Variants in ANO5 observed in about 807,000 individuals in gnomAD.
ANO5 encodes the protein anoctamin-5.
ANO5 carries 109 observed loss-of-function variants against 121.0 expected under a neutral mutation model. The observed-to-expected ratio is 0.90, with a 90% CI of 0.77 to 1.06. ANO5 has a LOEUF of 1.06. Among genes scored for constraint, ANO5 ranks in the 50% least tolerant of loss-of-function variants. ANO5 has a pLI of 0.00. For synonymous variants in ANO5, 406 were observed against 359.9 expected (o/e 1.13, Z -1.45); for missense variants, 1,064 against 1,078.5 (o/e 0.99, Z 0.19).
chr11:22,243,309 G>C (rs769700218), intron 9 of ANO5, among the ~76,000 whole-genome samples: 67 of 151,900 alleles, frequency 4.4e-4, no homozygotes, highest in Non-Finnish European at 7.4e-4. Flanking sequence ...TCCTGGATTT[G>C]GTTTTCTAGT....
At chr11:22,243,715 ATAATAG>A (rs1180776374) in intron 9 of ANO5, among the ~76,000 whole-genome samples, 1 of 152,028 alleles carries the variant, frequency 6.6e-6, no homozygotes, top group Non-Finnish European at 1.5e-5. Flanking sequence ...AGAACTTTTC[ATAATAG>A]TATTGGAGGA....
chr11:22,255,337 A>C, intron 12 of ANO5, 34 bp from the exon 13 acceptor site: 1 of 1,499,408 alleles, frequency 6.7e-7, no homozygotes, highest in Non-Finnish European at 9.0e-7. Context: ...TAACTTTTTT[A>C]ATATCTTTTT....
rs1855117949 is a variant in ANO5 at position 22,282,536 on chromosome 11, G to C, written c.*2771G>C. 6.6e-6 allele frequency: 1 copy of C among 152,184 alleles called. No individual in the cohort carries two copies. The highest frequency in any genetic ancestry group is 1.5e-5 in the Non-Finnish European group (1 of 68,018). 9.4% of individuals were successfully genotyped at this position (152,184 alleles called of 1,614,324 possible). A position where few individuals can be genotyped will look rare whatever the true frequency, so the allele number is the denominator to read the frequency against. On this transcript the variant is annotated 3_prime_UTR_variant, in exon 22 of 22. Transcript: ENST00000324559. ...AGTGACGGGAAATGAGAAAGAAGAG[G>C]AGTGAGGAAACAGTTATTTCCTTAT...
Position 22,257,689 on chromosome 11 carries a change from C to G in ANO5, c.1342C>G (p.Pro448Ala), listed in dbSNP as rs1159530392. Residue 448 changes from proline (P) to alanine (A), a missense_variant, in exon 14 of 22, where the codon CCT (proline) becomes GCT (alanine). Coordinates refer to ENST00000324559, the MANE Select transcript of ANO5 (RefSeq NM_213599.3). ...TTCTTCAATATTACAGGAGATGGAA[C>G]CTTACATGCCTCTATACACGCGTAT... ...KLNAVTKEME[P>A]YMPLYTRIPW... 1.9e-6 allele frequency: 3 copies of G among 1,610,646 alleles called. No homozygotes were observed. The highest frequency in any genetic ancestry group is 2.7e-5 in the African/African-American group (2 of 74,786).
intron 4 of ANO5, among the ~76,000 whole-genome samples, chr11:22,220,616 A>T (rs1365963877): frequency 1.3e-5 from 2 of 151,990 alleles, no homozygotes; most frequent in Non-Finnish European, 2.9e-5. Context: ...TTTTATTTTA[A>T]TCCTTACAAA....
At chr11:22,220,114 T>C (rs1564919224) in intron 4 of ANO5, among the ~76,000 whole-genome samples, 1 of 151,646 alleles carries the variant, frequency 6.6e-6, no homozygotes. Flanking sequence ...CTGACTTGGG[T>C]AAAAAAATCC....
intron 2 of ANO5, among the ~76,000 whole-genome samples, chr11:22,206,901 C>T (rs767809972): frequency 1.8e-4 from 27 of 151,846 alleles, no homozygotes; most frequent in Non-Finnish European, 3.2e-4. Context: ...ACTGACAGTT[C>T]TTGCAATAAG....
chr11:22,222,386 A>G (rs1244547752), intron 5 of ANO5, among the ~76,000 whole-genome samples: 1 of 151,688 alleles, frequency 6.6e-6, no homozygotes, highest in Admixed American at 6.6e-5. Flanking sequence ...CTGTTCCTTG[A>G]ACTCCCTTTT....
At chr11:22,202,581 T>C (rs1449641863) in intron 1 of ANO5, among the ~76,000 whole-genome samples, 1 of 152,156 alleles carries the variant, frequency 6.6e-6, no homozygotes, top group Non-Finnish European at 1.5e-5. Context: ...ACTCAGTGTC[T>C]GGTAAGGGCT....
At chr11:22,234,891 T>C (rs1199401709) in intron 7 of ANO5, among the ~76,000 whole-genome samples, 1 of 152,100 alleles carries the variant, frequency 6.6e-6, no homozygotes. Context: ...CAAACTTTAA[T>C]TAAGCTTCTC....
intron 1 of ANO5, among the ~76,000 whole-genome samples, chr11:22,196,114 A>G (rs1374899347): frequency 1.3e-5 from 2 of 152,144 alleles, no homozygotes; most frequent in Non-Finnish European, 2.9e-5. Context: ...TATTGCTATA[A>G]CAGAATACCA....
intron 12 of ANO5, 93 bp from the exon 13 acceptor site, chr11:22,255,278 G>A: frequency 9.7e-7 from 1 of 1,027,028 alleles, no homozygotes; most frequent in Non-Finnish European, 1.4e-6. Context: ...TGAAACATGT[G>A]AACCATCCTG....
At chr11:22,267,508 T>TTTTATATATATATATATATA (rs1554932860) in intron 17 of ANO5, among the ~76,000 whole-genome samples, 34 of 126,096 alleles carry the variant, frequency 2.7e-4, no homozygotes, top group African/African-American at 1.6e-3. Flanking sequence ...ATATCTACAA[T>TTTTATATATATATATATATA]TATATATATA....
At position 22,272,993 on chromosome 11, in the gene ANO5, A is replaced by C. The variant is rs372056234; in HGVS notation, c.2235+4A>C. 8.9e-5 allele frequency: 144 copies of C among 1,613,228 alleles called. No individual in the cohort carries two copies. The highest frequency in any genetic ancestry group is 6.4e-5 in the Non-Finnish European group (76 of 1,179,384). On this transcript the variant is annotated splice_donor_region_variant and intron_variant, in intron 19 of 21. Transcript: ENST00000324559. ...TGTCCTTTCTGTTGCAACTAATGTAAGTGGACCTATTTCGGTGGGGTGACT... is the reference window on the plus strand; with the variant it reads ...TGTCCTTTCTGTTGCAACTAATGTACGTGGACCTATTTCGGTGGGGTGACT...
At chr11:22,214,655 C>A (rs944534263) in intron 3 of ANO5, among the ~76,000 whole-genome samples, 1 of 151,894 alleles carries the variant, frequency 6.6e-6, no homozygotes, top group Non-Finnish European at 1.5e-5. Context: ...TGAGGGGACA[C>A]AATCTTCCTG....
chr11:22,213,378 T>C (rs1182583876), intron 3 of ANO5, among the ~76,000 whole-genome samples: 7 of 151,906 alleles, frequency 4.6e-5, no homozygotes, highest in Admixed American at 6.6e-5. Flanking sequence ...TTTATATCCT[T>C]CACAGCTTTG....
chr11:22,203,380 A>G (rs1400145650), intron 1 of ANO5, among the ~76,000 whole-genome samples: 1 of 152,006 alleles, frequency 6.6e-6, no homozygotes, highest in Non-Finnish European at 1.5e-5. Context: ...AGAAACTGGT[A>G]GTGTTCTATA....
rs1010889795 is a variant in ANO5, at chr11:22,229,411, CT to C, written c.648+1834del. The stretch of plus-strand genomic sequence containing the variant: ...AATCCACAAACTAAAAATGTTCTTC[CT>C]TTTTTTTTAACCAGGATTAAACAAT... On this transcript the variant is annotated intron_variant, in intron 7 of 21. Coordinates refer to ENST00000324559, the MANE Select transcript of ANO5 (RefSeq NM_213599.3). Among the ~76,000 whole-genome samples, 74 of 150,408 alleles carry C rather than the reference CT, an allele frequency of 4.9e-4. 1 individual carries two copies. Among genetic ancestry groups the C allele is most frequent in the Non-Finnish European group, 7.9e-4 (53 of 67,424 alleles).
intron 14 of ANO5, 111 bp downstream of exon 14, chr11:22,257,865 C>T: frequency 1.1e-6 from 1 of 892,096 alleles, no homozygotes. Flanking sequence ...CTCTCCCTCC[C>T]TGGTCTTTTT....
Sources: gnomAD v4.1 joint callset for allele counts (sites outside exome capture counted in the v4.1 genomes callset) on GRCh38, gnomAD v4.1.1 for gene constraint, MANE v1.5 for transcripts, NCBI Gene and HGNC (gene_info 2026-07-23, HGNC 2026-07-21) for gene names.